GALNTL6: variants seen among roughly 807,000 people sequenced by gnomAD.
GALNTL6 encodes polypeptide N-acetylgalactosaminyltransferase like 6, also known as polypeptide N-acetylgalactosaminyltransferase-like 6.
A neutral mutation model predicts 73.7 loss-of-function variants in GALNTL6; 46 were observed. That is an observed-to-expected ratio of 0.62 (90% confidence interval 0.49 to 0.80). GALNTL6 has a LOEUF of 0.80. Ranked by LOEUF, GALNTL6 falls within the 30% of genes least tolerant of loss-of-function variation. The probability of loss-of-function intolerance (pLI) is 0.00; values close to 1 mark genes in which losing one functional copy is unlikely to be tolerated. For synonymous variants in GALNTL6, 259 were observed against 263.7 expected (o/e 0.98, Z 0.17); for missense variants, 604 against 755.0 (o/e 0.80, Z 2.34).
chr4:171,907,250 T>C (rs1205487569), intron 2 of GALNTL6, among the ~76,000 whole-genome samples: 3 of 152,094 alleles, frequency 2.0e-5, no homozygotes, highest in African/African-American at 4.8e-5. Context: ...AAAACCCCAT[T>C]GTCTCAGCCC....
chr4:172,373,059 A>T (rs1472118299), intron 5 of GALNTL6, among the ~76,000 whole-genome samples: 1 of 152,096 alleles, frequency 6.6e-6, no homozygotes, highest in African/African-American at 2.4e-5. Context: ...AGGCTTCCGA[A>T]CTGGTAGCCA....
At chr4:172,745,095 C>T (rs1015658401) in intron 5 of GALNTL6, among the ~76,000 whole-genome samples, 1 of 151,548 alleles carries the variant, frequency 6.6e-6, no homozygotes, top group Admixed American at 6.6e-5. Flanking sequence ...AAGAATTAGC[C>T]TTAAATGAGA....
At chr4:172,039,028 T>C (rs1742013798) in intron 2 of GALNTL6, among the ~76,000 whole-genome samples, 1 of 152,220 alleles carries the variant, frequency 6.6e-6, no homozygotes, top group African/African-American at 2.4e-5. Flanking sequence ...CCTTTTCGCT[T>C]CATTTTGACA....
At position 172,139,320 on chromosome 4, in the gene GALNTL6, A is replaced by G. The variant is rs145417334; in HGVS notation, c.139-90336A>G. ...AGTACATTGAATATACTTTTTAAAA[A>G]TTGATTGATCAAAAATAAAATTTCA... On this transcript the variant is annotated intron_variant, in intron 2 of 12. Coordinates refer to ENST00000506823, the MANE Select transcript of GALNTL6 (RefSeq NM_001034845.3). 1.2e-4 allele frequency among the ~76,000 whole-genome samples: 18 copies of G among 152,322 alleles called. No homozygotes were observed. In the East Asian group the frequency reaches 3.5e-3, roughly 29 times the overall value.
At chr4:172,126,702 C>T (rs1334066041) in intron 2 of GALNTL6, among the ~76,000 whole-genome samples, 1 of 152,144 alleles carries the variant, frequency 6.6e-6, no homozygotes, top group Non-Finnish European at 1.5e-5. Flanking sequence ...CACACAAAGG[C>T]ATTGCTCAAG....
intron 2 of GALNTL6, among the ~76,000 whole-genome samples, chr4:172,106,391 G>C (rs1043272044): frequency 1.3e-5 from 2 of 152,084 alleles, no homozygotes; most frequent in Admixed American, 1.3e-4. Flanking sequence ...AAATATCTTT[G>C]TGATAGGTAT....
intron 2 of GALNTL6, among the ~76,000 whole-genome samples, chr4:172,110,772 T>G (rs533647824): frequency 3.3e-5 from 5 of 152,148 alleles, no homozygotes; most frequent in African/African-American, 1.2e-4. Flanking sequence ...ATGTTAAATG[T>G]TGCAGATTTG....
intron 10 of GALNTL6, among the ~76,000 whole-genome samples, chr4:172,972,287 A>G (rs762196718): frequency 2.6e-4 from 40 of 152,332 alleles, no homozygotes; most frequent in Admixed American, 5.9e-4. Context: ...CATGTCATCA[A>G]TAATGTAGAT....
intron 2 of GALNTL6, among the ~76,000 whole-genome samples, chr4:171,863,651 G>C (rs1249971923): frequency 1.3e-5 from 2 of 151,842 alleles, no homozygotes; most frequent in African/African-American, 2.4e-5. Flanking sequence ...CACTGAGCTG[G>C]ATATTCATCA....
At chr4:172,624,618 A>G (rs192115049) in intron 5 of GALNTL6, among the ~76,000 whole-genome samples, 39 of 152,216 alleles carry the variant, frequency 2.6e-4, no homozygotes, top group African/African-American at 8.4e-4. Flanking sequence ...TTTTTTACAG[A>G]GGGAAGACAA....
At chr4:172,064,102 A>G (rs1731289174) in intron 2 of GALNTL6, among the ~76,000 whole-genome samples, 1 of 152,232 alleles carries the variant, frequency 6.6e-6, no homozygotes, top group Admixed American at 6.5e-5. Flanking sequence ...AGCCTATCCC[A>G]GGATCTTTGG....
At chr4:172,196,436 A>G (rs187410829) in intron 2 of GALNTL6, among the ~76,000 whole-genome samples, 1 of 152,308 alleles carries the variant, frequency 6.6e-6, no homozygotes, top group African/African-American at 2.4e-5. Flanking sequence ...CTCCTCCCTA[A>G]TTCATTTTAT....
At chr4:172,392,462 A>AT (rs5864134) in intron 5 of GALNTL6, among the ~76,000 whole-genome samples, 3,561 of 146,624 alleles carry the variant, frequency 0.024, 141 homozygotes, top group African/African-American at 0.083. Flanking sequence ...TTTCTTATTC[A>AT]TTTTTTTTTT....
intron 11 of GALNTL6, among the ~76,000 whole-genome samples, chr4:173,012,035 C>T (rs1319142445): frequency 1.3e-5 from 2 of 152,186 alleles, no homozygotes; most frequent in East Asian, 1.9e-4. Flanking sequence ...GCCTGAGTAG[C>T]TCAGACCACA....
chr4:172,855,931 C>T (rs865829040), intron 7 of GALNTL6, among the ~76,000 whole-genome samples: 4 of 152,242 alleles, frequency 2.6e-5, no homozygotes, highest in Middle Eastern at 3.4e-3. Flanking sequence ...CAACTTGTTT[C>T]GAGGCTGGGT....
chr4:172,893,870 T>C (rs1268792132), intron 8 of GALNTL6, among the ~76,000 whole-genome samples: 1 of 152,168 alleles, frequency 6.6e-6, no homozygotes, highest in South Asian at 2.1e-4. Context: ...CTGAAGGTCA[T>C]AGGATCTCAT....
At chr4:172,801,461 G>A (rs1740636193) in intron 5 of GALNTL6, among the ~76,000 whole-genome samples, 1 of 152,098 alleles carries the variant, frequency 6.6e-6, no homozygotes, top group East Asian at 1.9e-4. Context: ...TTTATGCATG[G>A]TGGCACCAAT....
intron 5 of GALNTL6, among the ~76,000 whole-genome samples, chr4:172,779,660 TG>T (rs1739271602): frequency 6.6e-6 from 1 of 152,226 alleles, no homozygotes; most frequent in African/African-American, 2.4e-5. Context: ...GAATGGTTAC[TG>T]TAGACAGACT....
chr4:172,267,306 G>T (rs1386196915), intron 3 of GALNTL6, among the ~76,000 whole-genome samples: 1 of 152,088 alleles, frequency 6.6e-6, no homozygotes, highest in African/African-American at 2.4e-5. Context: ...GTCATGAAAA[G>T]TGAAGTAGAT....
Sources: allele counts gnomAD v4.1 joint callset (sites outside exome capture counted in the v4.1 genomes callset), GRCh38; gene constraint gnomAD v4.1.1; transcripts MANE v1.5; gene names NCBI Gene and HGNC (gene_info 2026-07-23, HGNC 2026-07-21).